The following FREM3 variants were observed in gnomAD, a reference collection of about 807,000 sequenced individuals.
The protein encoded by FREM3 is FRAS1 related extracellular matrix 3, also known as FRAS1-related extracellular matrix protein 3.
In FREM3, 105 loss-of-function variants were observed where a neutral mutation model predicts 129.1. The ratio of observed to expected loss-of-function variants is 0.81; its 90% CI spans 0.69 to 0.96. The LOEUF (loss-of-function observed/expected upper bound fraction) is 0.96. FREM3 is among the 40% of genes least tolerant of loss of function. The pLI, the probability that FREM3 is intolerant of heterozygous loss-of-function variation, is 0.00. For missense variants in FREM3, 2,593 were observed against 2,666.3 expected (o/e 0.97, Z 0.61); for synonymous variants, 1,014 against 1,044.9 (o/e 0.97, Z 0.57).
In FREM3 at chr4:143,693,132, A is replaced by G; in HGVS notation, c.5256T>C (p.Tyr1752=). The part of the protein sequence containing the change: ...EGSNASKDIF[Y]FSVEDNGGNK... ...ACTTACCATTGTCTTCAACAGAGAAATAGAAGATGTCCTTTGATGCGTTGC... is the reference window on the plus strand; with the variant it reads ...ACTTACCATTGTCTTCAACAGAGAAGTAGAAGATGTCCTTTGATGCGTTGC... The change falls in exon 2 of 8, where the codon TAT becomes TAC. Residue 1752 remains tyrosine (Y), a synonymous_variant. Coordinates refer to ENST00000329798, the MANE Select transcript of FREM3 (RefSeq NM_001168235.2). 1 of 1,506,020 alleles carries G rather than the reference A, an allele frequency of 6.6e-7. No individual in the cohort carries two copies. The highest frequency in any genetic ancestry group is 1.2e-5 in the South Asian group (1 of 80,368). 93.3% of individuals were successfully genotyped at this position (1,506,020 alleles called of 1,614,324 possible).
intron 2 of FREM3, among the ~76,000 whole-genome samples, chr4:143,667,555 G>A (rs1739886299): frequency 1.3e-5 from 2 of 151,902 alleles, no homozygotes; most frequent in South Asian, 4.1e-4. Context: ...TTTTCTCCCA[G>A]TTCCTTGCCA....
intron 2 of FREM3, among the ~76,000 whole-genome samples, chr4:143,664,010 C>G (rs955370090): frequency 5.9e-5 from 9 of 152,106 alleles, no homozygotes; most frequent in African/African-American, 2.2e-4. Context: ...AAGTTTTCAA[C>G]TTCTTTGCCT....
Position 143,607,532 on chromosome 4 carries a change from A to C in FREM3, c.6028+3747T>G, listed in dbSNP as rs181484900. On this transcript the variant is annotated intron_variant, in intron 6 of 7. Transcript: ENST00000329798. Reference sequence around the variant, plus strand: ...GGAATTGAAGATTTAGGAAAAGGGCATGCAGTCAGAAGGGGGAACTCAATG... The same window carrying C: ...GGAATTGAAGATTTAGGAAAAGGGCCTGCAGTCAGAAGGGGGAACTCAATG... 2.1e-3 allele frequency among the ~76,000 whole-genome samples: 324 copies of C among 152,302 alleles called. 1 individual carries two copies. Among genetic ancestry groups the C allele is most frequent in the Non-Finnish European group, 1.3e-3 (91 of 68,020 alleles).
At chr4:143,590,169 C>T (rs1053415765) in intron 6 of FREM3, among the ~76,000 whole-genome samples, 8 of 152,130 alleles carry the variant, frequency 5.3e-5, no homozygotes, top group Admixed American at 2.6e-4. Flanking sequence ...GATATACAAT[C>T]ATGTCATCTG....
At chr4:143,598,889 C>T (rs1738526140) in intron 6 of FREM3, among the ~76,000 whole-genome samples, 1 of 152,060 alleles carries the variant, frequency 6.6e-6, no homozygotes, top group Non-Finnish European at 1.5e-5. Flanking sequence ...TAGGCTATAC[C>T]ATCCAGGTTT....
chr4:143,620,219 G>A (rs969965652), intron 5 of FREM3, among the ~76,000 whole-genome samples: 2 of 151,972 alleles, frequency 1.3e-5, no homozygotes, highest in African/African-American at 4.8e-5. Context: ...CTTCTACTGA[G>A]CCAATCTCCA....
At chr4:143,601,977 G>A (rs940246063) in intron 6 of FREM3, 1 of 151,998 alleles carries the variant, frequency 6.6e-6, no homozygotes, top group Non-Finnish European at 1.5e-5. Flanking sequence ...AAAAAAGCTT[G>A]CCCTTGAGCA....
intron 2 of FREM3, among the ~76,000 whole-genome samples, chr4:143,682,175 G>A (rs1740264274): frequency 6.6e-6 from 1 of 152,146 alleles, no homozygotes; most frequent in Admixed American, 6.5e-5. Context: ...AGAGAATAGG[G>A]TCTGGAGGCA....
intron 6 of FREM3, among the ~76,000 whole-genome samples, chr4:143,589,234 C>G (rs1278694994): frequency 2.0e-5 from 3 of 152,136 alleles, no homozygotes; most frequent in Non-Finnish European, 4.4e-5. Flanking sequence ...TGCAGAAGTT[C>G]TTTAGTTTAA....
intron 2 of FREM3, among the ~76,000 whole-genome samples, chr4:143,636,477 T>C (rs1002504986): frequency 6.6e-6 from 1 of 151,796 alleles, no homozygotes; most frequent in African/African-American, 2.4e-5. Flanking sequence ...ATCTGAGGAA[T>C]AGGAATGGCT....
chr4:143,700,399 C>A lies in FREM3; in HGVS notation c.277G>T (p.Asp93Tyr). Residue 93 changes from aspartate to tyrosine, a missense_variant, in exon 1 of 8, where the codon GAC becomes TAC. Transcript: ENST00000329798. The part of the protein sequence containing the change: ...RDLVIGVQPG[D>Y]RCEVTVLDAL... ...TCCAGTACCGTGACTTCGCACCGGT[C>A]CCCCGGCTGCACTCCAATCACCAGA... is the stretch of plus-strand genomic sequence containing the variant. The A allele has an allele frequency of 6.5e-7, 1 of 1,534,364 alleles. No individual in the cohort carries two copies. Among genetic ancestry groups the A allele is most frequent in the Middle Eastern group, 1.7e-4 (1 of 5,970 alleles).
rs116422647 is a variant in FREM3 at position 143,691,943 on chromosome 4, T to A, written c.5275+1170A>T. Among the ~76,000 whole-genome samples the A allele has an allele frequency of 8.4e-3, 1,283 of 152,314 alleles. 20 individuals carry two copies. Among genetic ancestry groups the A allele is most frequent in the African/African-American group, 0.029 (1,215 of 41,572 alleles). On this transcript the variant is annotated intron_variant, in intron 2 of 7. Coordinates refer to ENST00000329798, the MANE Select transcript of FREM3 (RefSeq NM_001168235.2). ...GGTGTAAATTCATCTTTTTAGTAAC[T>A]TATGGTTCTTGAGAACTTGGGAAAG...
chr4:143,616,991 G>A (rs977930488), intron 5 of FREM3, among the ~76,000 whole-genome samples: 1 of 152,154 alleles, frequency 6.6e-6, no homozygotes, highest in African/African-American at 2.4e-5. Flanking sequence ...AAAACCACAG[G>A]ATGATTCAAT....
At chr4:143,689,353 A>G (rs558009187) in intron 2 of FREM3, among the ~76,000 whole-genome samples, 6 of 152,226 alleles carry the variant, frequency 3.9e-5, no homozygotes, top group African/African-American at 1.2e-4. Flanking sequence ...CAAGAATGGC[A>G]ATAATCAAAA....
Position 143,578,274 on chromosome 4 carries a change from T to C in FREM3, c.6179-422A>G, listed in dbSNP as rs186400132. Among the ~76,000 whole-genome samples the C allele has an allele frequency of 3.8e-4, 58 of 152,348 alleles. No individual in the cohort carries two copies. In the East Asian group the frequency reaches 9.3e-3, roughly 24 times the overall value. ...CACTTTTGCCAGACATCTGTTTTAA[T>C]CTCACAACACTCTGCTCAATTTTAT... is the stretch of plus-strand genomic sequence containing the variant. On this transcript the variant is annotated intron_variant, in intron 7 of 7. Transcript: ENST00000329798.
In FREM3 at chr4:143,627,646, C is replaced by T. The variant is rs201583533; in HGVS notation, c.5390G>A (p.Arg1797His). The change falls in exon 3 of 8, where the codon CGC (arginine) becomes CAC (histidine). Residue 1797 changes from arginine (R) to histidine (H), a missense_variant. Physicochemically the swap from Arg to His is conservative, Grantham distance 29. Coordinates refer to ENST00000329798, the MANE Select transcript of FREM3 (RefSeq NM_001168235.2). ...DSTFLEVTLT[R>H]RGYLGETSFI... ...TGATGTTTCTCCAAGGTATCCTCTG[C>T]GTGTAAGGGTCACTTCTAAGAATGT... 6 of 1,535,734 alleles carry T rather than the reference C, an allele frequency of 3.9e-6. No homozygotes were observed. Among genetic ancestry groups the T allele is most frequent in the African/African-American group, 1.4e-5 (1 of 72,944 alleles).
chr4:143,656,865 GTAAA>G (rs1739610626), intron 2 of FREM3, among the ~76,000 whole-genome samples: 1 of 152,068 alleles, frequency 6.6e-6, no homozygotes, highest in Non-Finnish European at 1.5e-5. Context: ...GTATTTTCAT[GTAAA>G]TAAATAGATT....
chr4:143,586,398 T>G (rs1465063718), intron 6 of FREM3, among the ~76,000 whole-genome samples: 7 of 152,078 alleles, frequency 4.6e-5, no homozygotes, highest in African/African-American at 1.7e-4. Context: ...GCTCTTCCTG[T>G]GGAGGGACAG....
intron 4 of FREM3, among the ~76,000 whole-genome samples, chr4:143,623,159 T>C (rs1738984016): frequency 1.3e-5 from 2 of 152,210 alleles, no homozygotes; most frequent in African/African-American, 4.8e-5. Flanking sequence ...TTGGAAAAAT[T>C]AAACAAAATT....
Sources: gnomAD v4.1 joint callset for allele counts (sites outside exome capture counted in the v4.1 genomes callset) on GRCh38, gnomAD v4.1.1 for gene constraint, MANE v1.5 for transcripts, NCBI Gene and HGNC (gene_info 2026-07-23, HGNC 2026-07-21) for gene names.